The following FCHO2 variants were observed in gnomAD, a reference collection of about 807,000 sequenced individuals.
The protein encoded by FCHO2 is F-BAR domain only protein 2.
FCHO2 carries 43 observed loss-of-function variants against 114.1 expected under a neutral mutation model. That is an observed-to-expected ratio of 0.38 (90% confidence interval 0.30 to 0.49). FCHO2 has a LOEUF of 0.49. FCHO2 is among the 20% of genes least tolerant of loss of function. The probability of loss-of-function intolerance (pLI) is 0.97; values close to 1 mark genes in which losing one functional copy is unlikely to be tolerated. For missense variants in FCHO2, 807 were observed against 950.4 expected (o/e 0.85, Z 1.98); for synonymous variants, 293 against 315.2 (o/e 0.93, Z 0.75).
intron 6 of FCHO2, among the ~76,000 whole-genome samples, chr5:73,009,526 G>GT (rs1018429427): frequency 2.6e-5 from 4 of 151,762 alleles, no homozygotes; most frequent in Admixed American, 1.3e-4. Flanking sequence ...TGCCTTTCTG[G>GT]TTTTTTTGTT....
chr5:73,006,504 A>T lies in FCHO2; in HGVS notation c.555A>T (p.Ala185=). 1 of 1,579,026 alleles carries T rather than the reference A, an allele frequency of 6.3e-7. No homozygotes were observed. Among genetic ancestry groups the T allele is most frequent in the Non-Finnish European group, 8.6e-7 (1 of 1,166,128 alleles). Residue 185 remains alanine, a synonymous_variant, in exon 6 of 26, where the codon GCA becomes GCT. Coordinates refer to ENST00000430046, the MANE Select transcript of FCHO2 (RefSeq NM_138782.3). ...ATAAACTCTATGTGGAAAAATATGCATTAGCAAAAGCTGATTTCGAACAGA... is the reference window on the plus strand; with the variant it reads ...ATAAACTCTATGTGGAAAAATATGCTTTAGCAAAAGCTGATTTCGAACAGA... ...DTYKLYVEKY[A]LAKADFEQKM...
intron 5 of FCHO2, among the ~76,000 whole-genome samples, chr5:72,993,569 T>TAG: frequency 6.6e-6 from 1 of 151,616 alleles, no homozygotes; most frequent in African/African-American, 2.4e-5. Flanking sequence ...AAAATGGGTA[T>TAG]TTTTTTTTCC....
chr5:73,077,949 AT>A (rs1232335282), intron 21 of FCHO2, among the ~76,000 whole-genome samples: 16 of 151,998 alleles, frequency 1.1e-4, no homozygotes, highest in Non-Finnish European at 2.4e-4. Context: ...CTGTCTTTTT[AT>A]TTTGTTTTCA....
At chr5:73,069,506 G>A (rs959639331) in intron 19 of FCHO2, among the ~76,000 whole-genome samples, 5 of 152,006 alleles carry the variant, frequency 3.3e-5, no homozygotes, top group Admixed American at 1.3e-4. Context: ...ATAAGAGTGC[G>A]CAACCTAGAT....
At chr5:72,985,677 G>A (rs1035141716) in intron 2 of FCHO2, among the ~76,000 whole-genome samples, 1 of 151,814 alleles carries the variant, frequency 6.6e-6, no homozygotes, top group Non-Finnish European at 1.5e-5. Context: ...TTTGAAGATC[G>A]TTCCATTATC....
Position 73,088,388 on chromosome 5 carries a change from G to GAAAAAAAAA in FCHO2, c.*305_*306insAAAAAAAAA. The GAAAAAAAAA allele has an allele frequency of 2.7e-6, 1 of 368,378 alleles. No individual in the cohort carries two copies. 22.8% of individuals were successfully genotyped at this position (368,378 alleles called of 1,614,324 possible). On this transcript the variant is annotated 3_prime_UTR_variant, in exon 26 of 26. Coordinates refer to ENST00000430046, the MANE Select transcript of FCHO2 (RefSeq NM_138782.3). ...TTAAATTATTTCCAGTGTCTATGTTGAAAAAAAGGGTTATAGTGTAATATC... is the reference window on the plus strand; with the variant it reads ...TTAAATTATTTCCAGTGTCTATGTTGAAAAAAAAAAAAAAAAGGGTTATAGTGTAATATC...
chr5:73,052,432 C>T lies in FCHO2; in HGVS notation c.1098C>T (p.Asn366=), dbSNP rs543253872. Residue 366 remains asparagine, a synonymous_variant, in exon 13 of 26, where the codon AAC becomes AAT. Coordinates refer to ENST00000430046, the MANE Select transcript of FCHO2 (RefSeq NM_138782.3). The part of the protein sequence containing the change: ...RIEIKPMHPN[N]SHHTMASLDE... The stretch of plus-strand genomic sequence containing the variant: ...AAATTAAGCCTATGCATCCAAATAA[C>T]TCACATCACACAATGGCTTCTTTGG... 3.7e-6 allele frequency: 6 copies of T among 1,602,890 alleles called. No individual in the cohort carries two copies. The African/African-American group carries it at 4.0e-5, about 11-fold the overall frequency.
At chr5:73,064,905 A>G (rs569230833) in intron 18 of FCHO2, among the ~76,000 whole-genome samples, 2 of 151,944 alleles carry the variant, frequency 1.3e-5, no homozygotes, top group Non-Finnish European at 2.9e-5. Context: ...TCCTTCACTT[A>G]TCTTCCTTAT....
At chr5:73,037,767 T>C (rs1055417172) in intron 10 of FCHO2, 16 of 391,392 alleles carry the variant, frequency 4.1e-5, no homozygotes, top group Non-Finnish European at 6.0e-5. Flanking sequence ...CTTCTTTTTT[T>C]TTTTTTGAGA....
intron 6 of FCHO2, among the ~76,000 whole-genome samples, chr5:73,014,830 G>A (rs1007028140): frequency 2.0e-5 from 3 of 151,960 alleles, no homozygotes; most frequent in Non-Finnish European, 4.4e-5. Context: ...CTGTATCCCA[G>A]CACTTTTGGA....
chr5:73,066,697 A>G (rs896920070), intron 18 of FCHO2, among the ~76,000 whole-genome samples: 27 of 150,580 alleles, frequency 1.8e-4, no homozygotes, highest in African/African-American at 6.6e-4. Context: ...AGAACCACTC[A>G]TTGTTCTAGA....
chr5:72,986,262 A>G (rs1235186721), intron 2 of FCHO2, among the ~76,000 whole-genome samples: 1 of 150,748 alleles, frequency 6.6e-6, no homozygotes, highest in Non-Finnish European at 1.5e-5. Context: ...TTTTTTGCAA[A>G]TTTGGTGTGC....
chr5:73,051,598 G>A (rs1019056197), intron 12 of FCHO2, among the ~76,000 whole-genome samples, 192 bp downstream of exon 12: 1 of 151,510 alleles, frequency 6.6e-6, no homozygotes, highest in East Asian at 1.9e-4. Flanking sequence ...ACAGAGTCTC[G>A]CTCTCTTGCC....
intron 10 of FCHO2, among the ~76,000 whole-genome samples, chr5:73,037,565 G>A (rs1192843036): frequency 1.3e-5 from 2 of 152,076 alleles, no homozygotes; most frequent in Non-Finnish European, 2.9e-5. Context: ...TAATGCCTAA[G>A]AGAAAATCTC....
At chr5:72,980,964 G>C (rs915977423) in intron 2 of FCHO2, among the ~76,000 whole-genome samples, 17 of 152,188 alleles carry the variant, frequency 1.1e-4, no homozygotes, top group African/African-American at 4.1e-4. Flanking sequence ...ATATTGTTAT[G>C]TGTGAATTTG....
chr5:73,054,201 T>C lies in FCHO2; in HGVS notation c.1185+30T>C, dbSNP rs1394427772. On this transcript the variant is annotated intron_variant, in intron 14 of 25. Transcript: ENST00000430046. ...GTACAAGATTTTATATTTTTGCCCATTGACTTTTAAAATCATTGTAATTTT... is the reference window on the plus strand; with the variant it reads ...GTACAAGATTTTATATTTTTGCCCACTGACTTTTAAAATCATTGTAATTTT... 6 of 1,499,830 alleles carry C rather than the reference T, an allele frequency of 4.0e-6. No individual in the cohort carries two copies. In the Admixed American group the frequency reaches 1.2e-4, roughly 29 times the overall value. 92.9% of individuals were successfully genotyped at this position (1,499,830 alleles called of 1,614,324 possible). A position where few individuals can be genotyped will look rare whatever the true frequency, so the allele number is the denominator to read the frequency against.
At chr5:72,988,522 A>G (rs1443921223) in intron 2 of FCHO2, among the ~76,000 whole-genome samples, 1 of 152,190 alleles carries the variant, frequency 6.6e-6, no homozygotes, top group Admixed American at 6.5e-5. Context: ...AGAATTCTAT[A>G]TTTAATGGCT....
intron 8 of FCHO2, among the ~76,000 whole-genome samples, chr5:73,023,440 G>A (rs1361299356): frequency 2.6e-5 from 4 of 152,132 alleles, no homozygotes; most frequent in Non-Finnish European, 4.4e-5. Context: ...AGTGGCTCAC[G>A]CCTGTAATCC....
At chr5:72,985,873 T>G (rs1296419266) in intron 2 of FCHO2, among the ~76,000 whole-genome samples, 1 of 152,208 alleles carries the variant, frequency 6.6e-6, no homozygotes, top group East Asian at 1.9e-4. Context: ...TCTTAAAGTT[T>G]GTTGGGCTGC....
Sources: gnomAD v4.1 joint callset for allele counts (sites outside exome capture counted in the v4.1 genomes callset) on GRCh38, gnomAD v4.1.1 for gene constraint, MANE v1.5 for transcripts, NCBI Gene and HGNC (gene_info 2026-07-23, HGNC 2026-07-21) for gene names.